The following TAF4 variants were observed in gnomAD, a reference collection of about 807,000 sequenced individuals.
TAF4 encodes transcription initiation factor TFIID subunit 4.
Under a neutral mutation model 90.3 loss-of-function variants are expected in TAF4, and 9 were observed. The observed-to-expected ratio is 0.10, with a 90% CI of 0.06 to 0.17. The LOEUF is 0.17. Among genes scored for constraint, TAF4 ranks in the 10% least tolerant of loss-of-function variants. TAF4 has a pLI of 1.00. For synonymous variants in TAF4, 818 were observed against 638.9 expected (o/e 1.28, Z -4.23); for missense variants, 1,351 against 1,370.7 (o/e 0.99, Z 0.23).
In TAF4 at chr20:62,020,589, C is replaced by T. The variant is rs141596420; in HGVS notation, c.1361-5882G>A. On this transcript the variant is annotated intron_variant, in intron 1 of 14. Coordinates refer to ENST00000252996, the MANE Select transcript of TAF4 (RefSeq NM_003185.4). Reference sequence around the variant, plus strand: ...CTTCTGTCCCATCTCACCGTCATGTCGCAGCTCAATACCAGCCCCTCCACC... The same window carrying T: ...CTTCTGTCCCATCTCACCGTCATGTTGCAGCTCAATACCAGCCCCTCCACC... 3.1e-3 allele frequency among the ~76,000 whole-genome samples: 474 copies of T among 152,318 alleles called. 3 individuals are homozygous for T. The highest frequency in any genetic ancestry group is 8.8e-3 in the African/African-American group (365 of 41,580).
chr20:61,985,166 G>A (rs1289469433), intron 14 of TAF4, among the ~76,000 whole-genome samples: 2 of 151,898 alleles, frequency 1.3e-5, no homozygotes, highest in Non-Finnish European at 2.9e-5. Flanking sequence ...AGATTTGGAG[G>A]AAACCAACAG....
At chr20:62,011,293 C>G (rs376277677) in intron 3 of TAF4, among the ~76,000 whole-genome samples, 6 of 152,152 alleles carry the variant, frequency 3.9e-5, no homozygotes, top group African/African-American at 1.2e-4. Flanking sequence ...CCTGGGAGTA[C>G]CCAGGACCCA....
In TAF4 at chr20:61,994,128, A is replaced by G. The variant is rs868124016; in HGVS notation, c.3090+3422T>C. 4.6e-5 allele frequency among the ~76,000 whole-genome samples: 7 copies of G among 151,750 alleles called. No individual in the cohort carries two copies. The East Asian group carries it at 9.6e-4, about 21-fold the overall frequency. ...CAGGAAAAAAAAAAAAGGCTAATCA[A>G]TATCTTTCACCTCCCCCACAAAAAA... On this transcript the variant is annotated intron_variant, in intron 14 of 14. Coordinates refer to ENST00000252996, the MANE Select transcript of TAF4 (RefSeq NM_003185.4).
intron 14 of TAF4, among the ~76,000 whole-genome samples, chr20:61,981,794 G>A (rs964028412): frequency 1.0e-4 from 13 of 126,892 alleles, no homozygotes; most frequent in African/African-American, 2.4e-4. Flanking sequence ...ACCCACCCGA[G>A]AGGAGACACC....
At position 62,007,558 on chromosome 20, in the gene TAF4, G is replaced by A; in HGVS notation, c.1963C>T (p.Pro655Ser). 1 of 1,613,888 alleles carries A rather than the reference G, an allele frequency of 6.2e-7. No individual in the cohort carries two copies. Among genetic ancestry groups the A allele is most frequent in the Non-Finnish European group, 8.5e-7 (1 of 1,179,884 alleles). The change falls in exon 6 of 15, where the codon CCT (proline) becomes TCT (serine). Residue 655 changes from proline (P) to serine (S), a missense_variant. Coordinates refer to ENST00000252996, the MANE Select transcript of TAF4 (RefSeq NM_003185.4). ...LNSSPQPYLV[P>S]FLKRSLPALR... ...GCCTTTGAAATTACCTTCAGGAAAGGCACAAGGTAAGGTTGAGGTGAAGAA... is the reference window on the plus strand; with the variant it reads ...GCCTTTGAAATTACCTTCAGGAAAGACACAAGGTAAGGTTGAGGTGAAGAA...
chr20:62,003,500 T>C (rs1453537749), intron 8 of TAF4, among the ~76,000 whole-genome samples: 5 of 152,350 alleles, frequency 3.3e-5, no homozygotes, highest in Admixed American at 6.5e-5. Flanking sequence ...AGTGCAGGAA[T>C]GATTACAGAT....
chr20:62,063,752 C>T (rs1457070984), intron 1 of TAF4, among the ~76,000 whole-genome samples: 1 of 152,228 alleles, frequency 6.6e-6, no homozygotes, highest in Non-Finnish European at 1.5e-5. Context: ...GAGACAGTGA[C>T]ACACACGGTG....
chr20:62,016,144 G>T (rs181402435), intron 1 of TAF4, among the ~76,000 whole-genome samples: 1 of 152,198 alleles, frequency 6.6e-6, no homozygotes, highest in Non-Finnish European at 1.5e-5. Context: ...CCATGTGGCC[G>T]CCAGAGCTGC....
Position 62,043,726 on chromosome 20 carries a change from A to G in TAF4, c.1360+20725T>C, listed in dbSNP as rs566735958. Among the ~76,000 whole-genome samples the G allele has an allele frequency of 2.0e-5, 3 of 152,360 alleles. No homozygotes were observed. In the East Asian group the frequency reaches 5.8e-4, roughly 29 times the overall value. On this transcript the variant is annotated intron_variant, in intron 1 of 14. Coordinates refer to ENST00000252996, the MANE Select transcript of TAF4 (RefSeq NM_003185.4). ...CACGTCACAAGCCATGCAGGTTTACAGCCCAGGAGCCAGGGGCCGCACCAC... is the reference window on the plus strand; with the variant it reads ...CACGTCACAAGCCATGCAGGTTTACGGCCCAGGAGCCAGGGGCCGCACCAC...
intron 14 of TAF4, chr20:61,979,451 G>A (rs935204700): frequency 6.3e-4 from 96 of 151,918 alleles, no homozygotes; most frequent in African/African-American, 2.2e-3. Flanking sequence ...GAGGGACTGC[G>A]GCCCGTGCAG....
chr20:62,044,889 G>A (rs2055984330), intron 1 of TAF4, among the ~76,000 whole-genome samples: 1 of 152,172 alleles, frequency 6.6e-6, no homozygotes, highest in Admixed American at 6.5e-5. Context: ...TACAGGATGA[G>A]GCTGATGTCT....
intron 14 of TAF4, among the ~76,000 whole-genome samples, chr20:61,982,229 CTGAGAGGAAACACCAAA>C (rs1267368767): frequency 0.046 from 331 of 7,248 alleles, no homozygotes; most frequent in East Asian, 0.076. Context: ...CCCACACCCA[CTGAGAGGAAACACCAAA>C]CCCACACCTA....
chr20:62,029,484 GCGCACA>G (rs1292134999), intron 1 of TAF4, among the ~76,000 whole-genome samples: 2,023 of 142,218 alleles, frequency 0.014, 50 homozygotes, highest in African/African-American at 0.048. Flanking sequence ...GTGCGCGCGC[GCGCACA>G]CACACACACA....
intron 1 of TAF4, 40 bp from the exon 2 acceptor site, chr20:62,014,747 C>A: frequency 6.2e-7 from 1 of 1,604,972 alleles, no homozygotes. Flanking sequence ...ACGCAACCAC[C>A]CCAGAGCCAT....
At chr20:62,062,483 G>A (rs1380790917) in intron 1 of TAF4, among the ~76,000 whole-genome samples, 1 of 151,998 alleles carries the variant, frequency 6.6e-6, no homozygotes, top group Admixed American at 6.5e-5. Context: ...AGGAGGCCAT[G>A]AAGAGATGGG....
At chr20:62,051,455 C>G (rs1324724098) in intron 1 of TAF4, among the ~76,000 whole-genome samples, 1 of 152,196 alleles carries the variant, frequency 6.6e-6, no homozygotes, top group African/African-American at 2.4e-5. Context: ...CCCACAGGGC[C>G]CTGGGACTGC....
intron 1 of TAF4, among the ~76,000 whole-genome samples, chr20:62,029,703 C>A (rs376975378): frequency 6.6e-6 from 1 of 152,072 alleles, no homozygotes; most frequent in African/African-American, 2.4e-5. Flanking sequence ...GTCAGGAGAT[C>A]GAGACCAGCC....
At chr20:62,014,007 C>T (rs1466361705) in intron 2 of TAF4, among the ~76,000 whole-genome samples, 3 of 136,766 alleles carry the variant, frequency 2.2e-5, no homozygotes, top group African/African-American at 6.2e-5. Flanking sequence ...TGAAGGCTGA[C>T]GCGGGGGTGT....
chr20:61,994,442 A>G (rs2055651236), intron 14 of TAF4, among the ~76,000 whole-genome samples: 1 of 152,250 alleles, frequency 6.6e-6, no homozygotes, highest in African/African-American at 2.4e-5. Context: ...TCACACACGC[A>G]TTTATAAAGA....
Sources: gnomAD v4.1 joint callset for allele counts (sites outside exome capture counted in the v4.1 genomes callset) on GRCh38, gnomAD v4.1.1 for gene constraint, MANE v1.5 for transcripts, NCBI Gene and HGNC (gene_info 2026-07-23, HGNC 2026-07-21) for gene names.